FANCM: variants seen among roughly 807,000 people sequenced by gnomAD.
FANCM encodes Fanconi anemia group M protein.
FANCM carries 140 observed loss-of-function variants against 199.5 expected under a neutral mutation model. The ratio of observed to expected loss-of-function variants is 0.70; its 90% CI spans 0.61 to 0.81. The LOEUF (loss-of-function observed/expected upper bound fraction) is 0.81. FANCM is among the 30% of genes least tolerant of loss of function. The pLI is 0.00. For synonymous variants in FANCM, 840 were observed against 836.8 expected (o/e 1.00, Z -0.07); for missense variants, 2,410 against 2,421.4 (o/e 1.00, Z 0.10).
At chr14:45,154,945 A>G (rs535315727) in intron 7 of FANCM, 123 bp downstream of exon 7, 2 of 670,166 alleles carry the variant, frequency 3.0e-6, no homozygotes, top group Admixed American at 5.7e-5. Flanking sequence ...CAGATCTGTT[A>G]AATGTGTAAA....
chr14:45,137,431 G>T (rs1021108393), intron 2 of FANCM, 190 bp downstream of exon 2: 14 of 595,820 alleles, frequency 2.3e-5, no homozygotes, highest in Non-Finnish European at 3.8e-5. Context: ...TGTCTTCACT[G>T]CCTTTTGCTG....
chr14:45,161,236 T>G (rs756310873), intron 9 of FANCM, among the ~76,000 whole-genome samples: 10 of 152,190 alleles, frequency 6.6e-5, no homozygotes, highest in Non-Finnish European at 1.0e-4. Context: ...AGTAAAAACT[T>G]TTTTTATTAC....
chr14:45,164,665 G>A (rs2139205965), intron 10 of FANCM, 100 bp downstream of exon 10: 4 of 942,672 alleles, frequency 4.2e-6, no homozygotes, highest in East Asian at 2.6e-5. Context: ...CAAACACTCT[G>A]TAGATAGTTT....
chr14:45,188,268 G>A (rs1350573317), intron 19 of FANCM, among the ~76,000 whole-genome samples: 2 of 152,278 alleles, frequency 1.3e-5, no homozygotes, highest in East Asian at 3.9e-4. Flanking sequence ...GAACCCGGGA[G>A]GCAGAGGTTG....
chr14:45,194,478 G>A (rs1055755636), intron 20 of FANCM, among the ~76,000 whole-genome samples: 7 of 151,974 alleles, frequency 4.6e-5, no homozygotes, highest in African/African-American at 1.7e-4. Flanking sequence ...CCTTAGATAA[G>A]TAGTAAAATA....
chr14:45,175,795 G>A lies in FANCM; in HGVS notation c.3041G>A (p.Gly1014Asp), dbSNP rs2139245566. ...GACTTGGAATATGAAATTGCTAAGGGTACTGCACTTGAGAATTTGCTTTTC... is the reference window on the plus strand; with the variant it reads ...GACTTGGAATATGAAATTGCTAAGGATACTGCACTTGAGAATTTGCTTTTC... ...LSDLEYEIAK[G>D]TALENLLFLP... The change falls in exon 14 of 23, where the codon GGT becomes GAT. Residue 1014 changes from glycine (G) to aspartate (D), a missense_variant. Transcript: ENST00000267430. 6.2e-7 allele frequency: 1 copy of A among 1,613,696 alleles called. No homozygotes were observed.
rs2139151206 is a variant in FANCM at position 45,148,818 on chromosome 14, C to T, written c.760-19C>T. On this transcript the variant is annotated intron_variant, in intron 3 of 22. Coordinates refer to ENST00000267430, the MANE Select transcript of FANCM (RefSeq NM_020937.4). The stretch of plus-strand genomic sequence containing the variant: ...TTTTAACATGTAGTTTATAATCATA[C>T]TTAATTGATTTCATATAGGCTGTGC... 6.4e-7 allele frequency: 1 copy of T among 1,571,746 alleles called. No homozygotes were observed. Among genetic ancestry groups the T allele is most frequent in the Non-Finnish European group, 8.7e-7 (1 of 1,144,304 alleles).
chr14:45,150,876 C>G (rs1475648770), intron 4 of FANCM, among the ~76,000 whole-genome samples: 1 of 152,142 alleles, frequency 6.6e-6, no homozygotes, highest in Non-Finnish European at 1.5e-5. Flanking sequence ...CACACTATCC[C>G]CAGCATTTAG....
intron 18 of FANCM, among the ~76,000 whole-genome samples, chr14:45,187,193 A>G (rs1477682889): frequency 1.3e-5 from 2 of 151,054 alleles, no homozygotes; most frequent in Non-Finnish European, 3.0e-5. Flanking sequence ...TGTTTGAACT[A>G]TGTACAATTT....
intron 12 of FANCM, among the ~76,000 whole-genome samples, chr14:45,171,004 A>G (rs1888306380): frequency 6.6e-6 from 1 of 152,228 alleles, no homozygotes; most frequent in African/African-American, 2.4e-5. Flanking sequence ...TTTTACATAA[A>G]TTATGCCTTT....
chr14:45,199,075 A>G, intron 22 of FANCM, 140 bp downstream of exon 22: 2 of 661,164 alleles, frequency 3.0e-6, no homozygotes, highest in Non-Finnish European at 5.1e-6. Flanking sequence ...TTGCCTGCCA[A>G]CATATATTAG....
rs1889331879 is a variant in FANCM at position 45,185,318 on chromosome 14, T to C, written c.4617T>C (p.Asp1539=). The part of the protein sequence containing the change: ...DENDESENEQ[D]SSLLDFLNDE... ...ATGATGAGTCAGAAAATGAACAAGATTCCTCATTACTTGACTTTTTAAATG... is the reference window on the plus strand; with the variant it reads ...ATGATGAGTCAGAAAATGAACAAGACTCCTCATTACTTGACTTTTTAAATG... The change falls in exon 18 of 23, where the codon GAT becomes GAC. Residue 1539 remains aspartate, a synonymous_variant. Transcript: ENST00000267430. The C allele has an allele frequency of 1.9e-6, 3 of 1,596,690 alleles. No homozygotes were observed. The East Asian group carries it at 6.7e-5, about 36-fold the overall frequency.
rs995318565 is a variant in FANCM at position 45,200,061 on chromosome 14, T to G, written c.*53T>G. On this transcript the variant is annotated 3_prime_UTR_variant, in exon 23 of 23. Transcript: ENST00000267430. Reference sequence around the variant, plus strand: ...AGACCTCTCACAATATTAAATGCACTTCAATAATCATTGCTGTTTTATGTT... The same window carrying G: ...AGACCTCTCACAATATTAAATGCACGTCAATAATCATTGCTGTTTTATGTT... 4.0e-6 allele frequency: 5 copies of G among 1,250,922 alleles called. No homozygotes were observed. The African/African-American group carries it at 7.4e-5, about 19-fold the overall frequency. The allele number at this position is 1,250,922 out of a possible 1,614,324, so 77.5% of individuals were successfully genotyped here. A position where few individuals can be genotyped will look rare whatever the true frequency, so the allele number is the denominator to read the frequency against.
At chr14:45,165,764 A>T (rs1010137072) in intron 10 of FANCM, among the ~76,000 whole-genome samples, 16 of 152,148 alleles carry the variant, frequency 1.1e-4, no homozygotes, top group Admixed American at 9.2e-4. Context: ...TAGCCAAGTT[A>T]CTTAACCTCT....
intron 8 of FANCM, among the ~76,000 whole-genome samples, chr14:45,156,465 A>G (rs1887195476): frequency 6.6e-6 from 1 of 152,204 alleles, no homozygotes; most frequent in South Asian, 2.1e-4. Flanking sequence ...GACATTGATA[A>G]CCTAGAAAAG....
rs1230956702 is a variant in FANCM at position 45,175,469 on chromosome 14, A to G, written c.2715A>G (p.Glu905=). 19 of 1,608,810 alleles carry G rather than the reference A, an allele frequency of 1.2e-5. No homozygotes were observed. Among genetic ancestry groups the G allele is most frequent in the Non-Finnish European group, 1.6e-5 (19 of 1,177,628 alleles). ...PNDKRTSDTD[E]IAATCTINEN... ...ATAAAAGGACATCAGATACAGATGA[A>G]ATTGCTGCCACATGTACTATTAATG... The change falls in exon 14 of 23, where the codon GAA becomes GAG. Residue 905 remains glutamate, a synonymous_variant. Coordinates refer to ENST00000267430, the MANE Select transcript of FANCM (RefSeq NM_020937.4).
chr14:45,197,252 C>T (rs1475516237), intron 21 of FANCM, among the ~76,000 whole-genome samples: 3 of 152,158 alleles, frequency 2.0e-5, no homozygotes, highest in Non-Finnish European at 2.9e-5. Flanking sequence ...TGATAATACA[C>T]TTGTTCTACT....
Position 45,188,809 on chromosome 14 carries a change from A to G in FANCM, c.4787A>G (p.Glu1596Gly), listed in dbSNP as rs1208446056. 6.2e-7 allele frequency: 1 copy of G among 1,609,194 alleles called. No homozygotes were observed. Among genetic ancestry groups the G allele is most frequent in the African/African-American group, 1.3e-5 (1 of 74,816 alleles). ...CTTGTGTTTTTATTGTAGATTCCTG[A>G]ACAAGATGAAACCTATTTAGAGGAT... Reference protein sequence around the residue: ...KNINIFSQIPEQDETYLEDSF... With the variant: ...KNINIFSQIPGQDETYLEDSF... The change falls in exon 20 of 23, where the codon GAA becomes GGA. Residue 1596 changes from glutamate to glycine, a missense_variant. Glu to Gly is a moderately conservative substitution (Grantham distance 98). Transcript: ENST00000267430.
At chr14:45,140,525 C>A in intron 2 of FANCM, 107 bp from the exon 3 acceptor site, 2 of 727,130 alleles carry the variant, frequency 2.8e-6, no homozygotes, top group Non-Finnish European at 2.5e-6. Context: ...CATCAATATA[C>A]TGATGAAGGA....
Sources: allele counts gnomAD v4.1 joint callset (sites outside exome capture counted in the v4.1 genomes callset), GRCh38; gene constraint gnomAD v4.1.1; transcripts MANE v1.5; gene names NCBI Gene and HGNC (gene_info 2026-07-23, HGNC 2026-07-21).